CHD6: variants seen among roughly 807,000 people sequenced by gnomAD.
CHD6 encodes the protein chromodomain helicase DNA binding protein 6.
A neutral mutation model predicts 276.9 loss-of-function variants in CHD6; 50 were observed. The ratio of observed to expected loss-of-function variants is 0.18; its 90% confidence interval spans 0.14 to 0.23. The LOEUF is 0.23. Among genes scored for constraint, CHD6 ranks in the 10% least tolerant of loss-of-function variants. CHD6 has a pLI of 1.00. For synonymous variants in CHD6, 1,173 were observed against 1,229.3 expected (o/e 0.95, Z 0.96); for missense variants, 2,564 against 3,365.8 (o/e 0.76, Z 5.89).
At chr20:41,499,820 A>C (rs1466722294) in intron 5 of CHD6, among the ~76,000 whole-genome samples, 1 of 152,136 alleles carries the variant, frequency 6.6e-6, no homozygotes, top group Admixed American at 6.5e-5. Flanking sequence ...TATCTCACTG[A>C]ATTAGTGGGA....
At chr20:41,487,165 A>T (rs2043436048) in intron 14 of CHD6, among the ~76,000 whole-genome samples, 1 of 152,246 alleles carries the variant, frequency 6.6e-6, no homozygotes, top group Admixed American at 6.5e-5. Flanking sequence ...TGAAAACTGC[A>T]GAAATGCAGT....
intron 1 of CHD6, among the ~76,000 whole-genome samples, chr20:41,595,839 T>C (rs1324067611): frequency 1.3e-5 from 2 of 152,070 alleles, no homozygotes; most frequent in Non-Finnish European, 2.9e-5. Context: ...AGGATTGGAT[T>C]TGTCAACTTC....
rs944375010 is a variant in CHD6 at position 41,451,037 on chromosome 20, G to A, written c.3592C>T (p.Leu1198=). The change falls in exon 23 of 37, where the codon CTA becomes TTA. Residue 1198 remains leucine, a synonymous_variant. Transcript: ENST00000373233. ...GTGGCTAGCCAATCTGCATCCTTTA[G>A]CTCTGGGATTAGCAACTGGTTCTTC... ...KTKNQLLIPE[L]KDADWLATCN... The A allele has an allele frequency of 6.2e-7, 1 of 1,613,960 alleles. No homozygotes were observed. Among genetic ancestry groups the A allele is most frequent in the South Asian group, 1.1e-5 (1 of 91,054 alleles).
intron 12 of CHD6, 122 bp from the exon 13 acceptor site, chr20:41,488,726 C>T (rs2043477232): frequency 2.6e-6 from 2 of 775,310 alleles, no homozygotes; most frequent in Admixed American, 3.1e-5. Context: ...ACAAGCACTG[C>T]TTTTCCTCAT....
chr20:41,452,149 CCCAAG>C lies in CHD6; in HGVS notation c.3324-129_3324-125del. On this transcript the variant is annotated intron_variant, in intron 21 of 36. Coordinates refer to ENST00000373233, the MANE Select transcript of CHD6 (RefSeq NM_032221.5). This position sits in a 1 kb window ranked among gnomAD's most constrained non-coding sequence, Gnocchi z 4.2. ...TGTTCTCTGTAGGTCTGTTAATCAT[CCCAAG>C]GGCTTTGTCCCGAAAGGCCTTTGAG... The C allele has an allele frequency of 2.6e-6, 2 of 754,742 alleles. No homozygotes were observed. Among genetic ancestry groups the C allele is most frequent in the Non-Finnish European group, 4.5e-6 (2 of 442,630 alleles). The allele number at this position is 754,742 out of a possible 1,614,324, so 46.8% of individuals were successfully genotyped here.
intron 1 of CHD6, among the ~76,000 whole-genome samples, chr20:41,586,441 C>G (rs1056792626): frequency 2.0e-5 from 3 of 152,190 alleles, no homozygotes; most frequent in African/African-American, 7.2e-5. Flanking sequence ...CTGGGTTCCA[C>G]GGTTCTCTTC....
intron 1 of CHD6, among the ~76,000 whole-genome samples, chr20:41,579,218 C>T (rs577839963): frequency 5.5e-5 from 8 of 146,222 alleles, no homozygotes; most frequent in Admixed American, 1.4e-4. Context: ...GGGCTGATCA[C>T]GAGGTCAGGA....
intron 5 of CHD6, among the ~76,000 whole-genome samples, chr20:41,500,275 C>A (rs2043799727): frequency 6.6e-6 from 1 of 152,102 alleles, no homozygotes; most frequent in Non-Finnish European, 1.5e-5. Context: ...ATTTGTATAT[C>A]TTCAGTCTAC....
At chr20:41,565,941 C>T (rs540905886) in intron 1 of CHD6, among the ~76,000 whole-genome samples, 38 of 152,170 alleles carry the variant, frequency 2.5e-4, no homozygotes, top group Non-Finnish European at 5.4e-4. Flanking sequence ...GCCTGGGAGA[C>T]TGGGAAGATG....
Position 41,404,766 on chromosome 20 carries a change from T to C in CHD6, c.7975A>G (p.Lys2659Glu). The change falls in exon 37 of 37, where the codon AAG becomes GAG. Residue 2659 changes from lysine (K) to glutamate (E), a missense_variant. By Grantham distance (56) the Lys-to-Glu change is moderately conservative. Around this residue, in one of 7 missense-constraint regions of CHD6, gnomAD observed 238 missense variants for 266.0 expected, o/e 0.89. Coordinates refer to ENST00000373233, the MANE Select transcript of CHD6 (RefSeq NM_032221.5). ...GAGTTGGGGTTGTCCCCCTTTGTCT[T>C]CTTCTTCTTCCTCTTCTGGCTCTCC... Reference protein sequence around the residue: ...GLESQKRKKKKTKGDNPNSHP... With the variant: ...GLESQKRKKKETKGDNPNSHP... 2 of 1,607,950 alleles carry C rather than the reference T, an allele frequency of 1.2e-6. No homozygotes were observed. The highest frequency in any genetic ancestry group is 1.7e-6 in the Non-Finnish European group (2 of 1,176,850).
At chr20:41,598,458 G>A (rs966982048) in intron 1 of CHD6, among the ~76,000 whole-genome samples, 1 of 152,258 alleles carries the variant, frequency 6.6e-6, no homozygotes, top group East Asian at 1.9e-4. Flanking sequence ...AAACAAAAGC[G>A]ACTGTTAACG....
chr20:41,503,225 C>T (rs6513724), intron 5 of CHD6, among the ~76,000 whole-genome samples: 14,034 of 152,130 alleles, frequency 0.092, 1,208 homozygotes, highest in African/African-American at 0.23. Flanking sequence ...ATAAAAAATA[C>T]GTATTTGCAT....
chr20:41,450,669 G>T (rs949674273), intron 23 of CHD6, among the ~76,000 whole-genome samples: 1 of 152,142 alleles, frequency 6.6e-6, no homozygotes, highest in Non-Finnish European at 1.5e-5. Context: ...TGACCTGACT[G>T]GTTTTTGAGA....
At chr20:41,479,190 G>A (rs78983895) in intron 16 of CHD6, among the ~76,000 whole-genome samples, 1 of 152,036 alleles carries the variant, frequency 6.6e-6, no homozygotes, top group Non-Finnish European at 1.5e-5. Context: ...GACTTGTGGG[G>A]AATTATCTCA....
intron 2 of CHD6, among the ~76,000 whole-genome samples, chr20:41,536,948 G>C (rs939123254): frequency 1.3e-5 from 2 of 152,032 alleles, no homozygotes; most frequent in Non-Finnish European, 2.9e-5. Context: ...ATGGCAAACA[G>C]GCATATATAG....
At chr20:41,551,692 G>A (rs1391413508) in intron 1 of CHD6, among the ~76,000 whole-genome samples, 3 of 152,164 alleles carry the variant, frequency 2.0e-5, no homozygotes, top group Non-Finnish European at 4.4e-5. Context: ...GGTATTAGGA[G>A]ATGGGAAGGA....
rs1232436800 is a variant in CHD6, at chr20:41,484,535, C to A, written c.2074G>T (p.Ala692Ser). ...RLKDDVEKNL[A>S]PKQETIIEVE... ...TCAATGATCGTCTCTTGTTTGGGAG[C>A]AAGGTTCTTTTCCACATCATCTTTC... is the stretch of plus-strand genomic sequence containing the variant. Residue 692 changes from alanine to serine, a missense_variant, in exon 15 of 37, where the codon GCT (alanine) becomes TCT (serine). By Grantham distance (99) the Ala-to-Ser change is moderately conservative. This residue lies in a region of CHD6 where 457 missense variants were observed against 889.0 expected (regional missense o/e 0.51). Coordinates refer to ENST00000373233, the MANE Select transcript of CHD6 (RefSeq NM_032221.5). The A allele has an allele frequency of 6.2e-7, 1 of 1,613,862 alleles. No individual in the cohort carries two copies. Among genetic ancestry groups the A allele is most frequent in the East Asian group, 2.2e-5 (1 of 44,856 alleles).
chr20:41,608,433 TAAGAA>T (rs770439851), intron 1 of CHD6, among the ~76,000 whole-genome samples: 7 of 152,184 alleles, frequency 4.6e-5, no homozygotes, highest in Non-Finnish European at 1.0e-4. Flanking sequence ...TAGAGAACAT[TAAGAA>T]AATTATGGAG....
chr20:41,502,237 GC>G (rs1164876422), intron 5 of CHD6, among the ~76,000 whole-genome samples: 1 of 151,848 alleles, frequency 6.6e-6, no homozygotes, highest in African/African-American at 2.4e-5. Context: ...TTTTCTAGTA[GC>G]CACATTAAAA....
Sources: gnomAD v4.1 joint callset for allele counts (sites outside exome capture counted in the v4.1 genomes callset) on GRCh38, gnomAD v4.1.1 for gene constraint, gnomAD v4.1.1 regional missense constraint, Gnocchi (gnomAD v3.1) non-coding constraint, MANE v1.5 for transcripts, NCBI Gene and HGNC (gene_info 2026-07-23, HGNC 2026-07-21) for gene names.